Variants in SLC39A10 observed in about 807,000 individuals in gnomAD.
The protein encoded by SLC39A10 is solute carrier family 39 member 10.
In SLC39A10, 13 loss-of-function variants were observed where a neutral mutation model predicts 65.1. That is an observed-to-expected ratio of 0.20 (90% confidence interval 0.13 to 0.32). The LOEUF (loss-of-function observed/expected upper bound fraction) is 0.32. Ranked by LOEUF, SLC39A10 falls within the 10% of genes least tolerant of loss-of-function variation. The pLI, the probability that SLC39A10 is intolerant of heterozygous loss-of-function variation, is 1.00. For missense variants in SLC39A10, 831 were observed against 1,018.4 expected (o/e 0.82, Z 2.50); for synonymous variants, 321 against 342.2 (o/e 0.94, Z 0.68).
intron 3 of SLC39A10, among the ~76,000 whole-genome samples, chr2:195,696,344 T>C (rs1690961443): frequency 6.6e-6 from 1 of 150,822 alleles, no homozygotes; most frequent in Non-Finnish European, 1.5e-5. Flanking sequence ...AACCTATCAT[T>C]AGGATTTTAA....
chr2:195,721,942 G>GTA (rs1692060283), intron 8 of SLC39A10, among the ~76,000 whole-genome samples: 1 of 152,142 alleles, frequency 6.6e-6, no homozygotes, highest in African/African-American at 2.4e-5. Context: ...ATTAAGGATG[G>GTA]TTACCTTCTT....
chr2:195,708,151 CT>C (rs1317217181), intron 4 of SLC39A10, among the ~76,000 whole-genome samples: 1 of 152,106 alleles, frequency 6.6e-6, no homozygotes, highest in African/African-American at 2.4e-5. Flanking sequence ...ACAACTCCCC[CT>C]GACATAAGTT....
At position 195,728,289 on chromosome 2, in the gene SLC39A10, C is replaced by T; in HGVS notation, c.2277C>T (p.Ile759=). Residue 759 remains isoleucine, a synonymous_variant, in exon 9 of 10, where the codon ATC becomes ATT. Transcript: ENST00000359634. This position sits in a 1 kb window ranked among gnomAD's most constrained non-coding sequence, Gnocchi z 4.4. ...CTGTTGGTCAGTATGCCAATAACAT[C>T]ACACTTTGGATCTTTGCAGTCACTG... ...GTAVGQYANN[I]TLWIFAVTAG... 6.2e-7 allele frequency: 1 copy of T among 1,614,072 alleles called. No homozygotes were observed. Among genetic ancestry groups the T allele is most frequent in the Middle Eastern group, 1.6e-4 (1 of 6,062 alleles).
intron 4 of SLC39A10, 77 bp downstream of exon 4, chr2:195,706,862 A>G (rs1401462423): frequency 1.2e-5 from 12 of 995,816 alleles, no homozygotes; most frequent in Non-Finnish European, 1.5e-5. Flanking sequence ...TTAGCAAGCT[A>G]TAGCACAGTA....
At chr2:195,733,728 C>CT in intron 9 of SLC39A10, among the ~76,000 whole-genome samples, 1 of 152,128 alleles carries the variant, frequency 6.6e-6, no homozygotes, top group South Asian at 2.1e-4. Context: ...CGGAGTTACT[C>CT]TATGTTGTTC....
chr2:195,663,796 T>C (rs925396239), intron 1 of SLC39A10, among the ~76,000 whole-genome samples: 2 of 151,530 alleles, frequency 1.3e-5, no homozygotes, highest in African/African-American at 2.4e-5. Context: ...TTTTTCTTTT[T>C]TTTTTTTTCA....
intron 2 of SLC39A10, among the ~76,000 whole-genome samples, chr2:195,632,092 T>C (rs1240701967): frequency 1.3e-5 from 2 of 151,682 alleles, no homozygotes; most frequent in Non-Finnish European, 2.9e-5. Flanking sequence ...GGGGTCTCAC[T>C]ATGTTGCCCA....
At chr2:195,721,525 G>T (rs1692038291) in intron 8 of SLC39A10, among the ~76,000 whole-genome samples, 2 of 150,160 alleles carry the variant, frequency 1.3e-5, no homozygotes, top group African/African-American at 4.9e-5. Flanking sequence ...GCTTTCTCGG[G>T]GTCCTTCACC....
intron 9 of SLC39A10, among the ~76,000 whole-genome samples, chr2:195,733,647 C>G (rs1692495125): frequency 2.0e-5 from 3 of 152,092 alleles, no homozygotes; most frequent in Non-Finnish European, 4.4e-5. Flanking sequence ...TCTCCTGCCT[C>G]AGCCTCCTGA....
rs193185634 is a variant in SLC39A10, at chr2:195,648,275, G to C, written c.-11-31757G>C. Among the ~76,000 whole-genome samples the C allele has an allele frequency of 6.1e-4, 93 of 152,008 alleles. No homozygotes were observed. The Middle Eastern group carries it at 0.02, about 33-fold the overall frequency. On this transcript the variant is annotated intron_variant, in intron 2 of 2. Transcript: ENST00000458054. ...GGCCTCCGCCTATGCTGGAATTATA[G>C]GTGAGCTACTGAACTCGGCCCTTAT...
rs73987222 is a variant in SLC39A10, at chr2:195,633,858, G to A, written c.-12+27625G>A. Among the ~76,000 whole-genome samples the A allele has an allele frequency of 9.9e-3, 1,505 of 152,120 alleles. 25 individuals are homozygous for A. The highest frequency in any genetic ancestry group is 0.034 in the African/African-American group (1,431 of 41,492). ...CTTTATAGACACAGGGTGGGGTGGG[G>A]TGAGGCCATGGGTGGGAAAACAGAG... On this transcript the variant is annotated intron_variant, in intron 2 of 2. Transcript: ENST00000458054.
intron 1 of SLC39A10, among the ~76,000 whole-genome samples, chr2:195,669,812 A>G (rs1689782756): frequency 6.6e-6 from 1 of 152,188 alleles, no homozygotes; most frequent in African/African-American, 2.4e-5. Flanking sequence ...CAGCATGGGC[A>G]ACATAGTGAG....
intron 2 of SLC39A10, among the ~76,000 whole-genome samples, chr2:195,613,630 T>C (rs573147018): frequency 3.1e-4 from 47 of 152,364 alleles, no homozygotes; most frequent in Middle Eastern, 3.4e-3. Flanking sequence ...TAATAATGCA[T>C]AGTTTAATAA....
chr2:195,652,738 G>A (rs1158038468), upstream of SLC39A10, among the ~76,000 whole-genome samples: 1 of 152,064 alleles, frequency 6.6e-6, no homozygotes, highest in Admixed American at 6.5e-5. Flanking sequence ...CTTGGAAAGG[G>A]AAGGGGATTC....
rs569403700 is a variant in SLC39A10, at chr2:195,685,354, A to G, written c.1216+1448A>G. Among the ~76,000 whole-genome samples the G allele has an allele frequency of 1.1e-3, 164 of 152,264 alleles. 2 individuals carry two copies. The highest frequency in any genetic ancestry group is 3.8e-3 in the African/African-American group (156 of 41,552). ...AATATATATTTTTTATATCTCTGGA[A>G]CATGGATTTGATGTGATGTGCTAGT... is the stretch of plus-strand genomic sequence containing the variant. On this transcript the variant is annotated intron_variant, in intron 3 of 9. Transcript: ENST00000359634.
intron 2 of SLC39A10, among the ~76,000 whole-genome samples, chr2:195,615,610 G>A (rs774983321): frequency 1.3e-5 from 2 of 152,166 alleles, no homozygotes; most frequent in Non-Finnish European, 2.9e-5. Context: ...GTGCAGTCAA[G>A]TTTAAGAACC....
At chr2:195,686,443 G>A (rs1309424826) in intron 3 of SLC39A10, among the ~76,000 whole-genome samples, 2 of 152,074 alleles carry the variant, frequency 1.3e-5, no homozygotes, top group Non-Finnish European at 2.9e-5. Flanking sequence ...CCAGCTACTC[G>A]GGAGGCTGAG....
intron 2 of SLC39A10, among the ~76,000 whole-genome samples, chr2:195,647,977 A>C (rs780145084): frequency 6.6e-6 from 1 of 152,028 alleles, no homozygotes; most frequent in African/African-American, 2.4e-5. Flanking sequence ...TAATCCTCCA[A>C]ATGGATTTCA....
intron 3 of SLC39A10, among the ~76,000 whole-genome samples, chr2:195,697,877 T>A (rs1298137046): frequency 6.6e-6 from 1 of 152,148 alleles, no homozygotes. Flanking sequence ...TGAGATACCA[T>A]CTTACACCAG....
Sources: gnomAD v4.1 joint callset for allele counts (sites outside exome capture counted in the v4.1 genomes callset) on GRCh38, gnomAD v4.1.1 for gene constraint, Gnocchi (gnomAD v3.1) non-coding constraint, MANE v1.5 for transcripts, NCBI Gene and HGNC (gene_info 2026-07-23, HGNC 2026-07-21) for gene names.